Variants in DNAJC16 observed in about 807,000 individuals in gnomAD.
DNAJC16 encodes the protein DnaJ heat shock protein family (Hsp40) member C16.
DNAJC16 carries 76 observed loss-of-function variants against 92.7 expected under a neutral mutation model. The observed-to-expected ratio is 0.82, with a 90% CI of 0.68 to 0.99. The LOEUF (loss-of-function observed/expected upper bound fraction) is 0.99. DNAJC16 is among the 50% of genes least tolerant of loss of function. The probability of loss-of-function intolerance (pLI) is 0.00; values close to 1 mark genes in which losing one functional copy is unlikely to be tolerated. For synonymous variants in DNAJC16, 328 were observed against 358.7 expected, an observed-to-expected ratio of 0.91 and a Z score of 0.97; for missense variants, 869 against 942.4, an observed-to-expected ratio of 0.92 and a Z score of 1.02.
chr1:15,532,633 G>A (rs1364939675), intron 2 of DNAJC16, among the ~76,000 whole-genome samples: 1 of 151,798 alleles, frequency 6.6e-6, no homozygotes, highest in East Asian at 1.9e-4. Context: ...TTGTATGATT[G>A]CATAATTTTT....
In DNAJC16 at chr1:15,568,015, T is replaced by C; in HGVS notation, c.2187T>C (p.Val729=). The C allele has an allele frequency of 6.2e-7, 1 of 1,614,258 alleles. No individual in the cohort carries two copies. Among genetic ancestry groups the C allele is most frequent in the Admixed American group, 1.7e-5 (1 of 60,028 alleles). The change falls in exon 15 of 15, where the codon GTT becomes GTC. Residue 729 remains valine (V), a synonymous_variant. Transcript: ENST00000375847. ...AAGCCATAGGGTCGTGCAGTGATGT[T>C]GACTCTTCCCTCTACCTGGGTGAAT... The part of the protein sequence containing the change: ...EEEAIGSCSD[V]DSSLYLGESR...
At chr1:15,533,505 G>A (rs1710707143) in intron 2 of DNAJC16, among the ~76,000 whole-genome samples, 1 of 152,168 alleles carries the variant, frequency 6.6e-6, no homozygotes, top group Non-Finnish European at 1.5e-5. Flanking sequence ...GCGCAGGCCT[G>A]TAATCCCAGC....
At position 15,544,417 on chromosome 1, in the gene DNAJC16, TCCATGCTGGGTATGAGAGACGCCTGGC is replaced by T. The variant is rs1286052175; in HGVS notation, c.598_624del (p.Ala200_His208del). On this transcript the variant is annotated inframe_deletion, in exon 5 of 15. Transcript: ENST00000375847. Reference sequence around the variant, plus strand: ...TTTTCAGGTGTAGGAATTGGCGTGGTCCATGCTGGGTATGAGAGACGCCTGGCCCATCACCTAGGGGCACACAGCACG... The same window carrying T: ...TTTTCAGGTGTAGGAATTGGCGTGGTCCATCACCTAGGGGCACACAGCACG... The T allele has an allele frequency of 5.6e-6, 9 of 1,613,434 alleles. No homozygotes were observed. The South Asian group carries it at 6.6e-5, about 12-fold the overall frequency.
intron 3 of DNAJC16, 29 bp downstream of exon 3, chr1:15,534,332 A>T (rs778852839): frequency 6.2e-7 from 1 of 1,609,792 alleles, no homozygotes; most frequent in Non-Finnish European, 8.5e-7. Context: ...TGATGCATCC[A>T]TTAGCTCTTA....
At chr1:15,527,448 T>TA (rs2103398222) in intron 1 of DNAJC16, among the ~76,000 whole-genome samples, 1 of 152,316 alleles carries the variant, frequency 6.6e-6, no homozygotes, top group East Asian at 1.9e-4. Context: ...GTAAACCCTT[T>TA]ACATGCATTT....
At chr1:15,563,186 G>C (rs1638729359) in intron 9 of DNAJC16, among the ~76,000 whole-genome samples, 2 of 151,948 alleles carry the variant, frequency 1.3e-5, no homozygotes, top group Admixed American at 6.6e-5. Context: ...AGTCTATTGA[G>C]AAAAAAGAGC....
rs961507646 is a variant in DNAJC16, at chr1:15,544,303, C to T, written c.575-96C>T. Reference sequence around the variant, plus strand: ...TTAGGAAAGACATCTCCTATGAGGTCGGGATTTCAATTTCACACCAAAAAA... The same window carrying T: ...TTAGGAAAGACATCTCCTATGAGGTTGGGATTTCAATTTCACACCAAAAAA... On this transcript the variant is annotated intron_variant, in intron 4 of 14. Transcript: ENST00000375847. 1.6e-5 allele frequency: 20 copies of T among 1,225,138 alleles called. 1 individual carries two copies. In the South Asian group the frequency reaches 2.0e-4, roughly 12 times the overall value. The allele number at this position is 1,225,138 out of a possible 1,614,324, so 75.9% of individuals were successfully genotyped here.
intron 13 of DNAJC16, chr1:15,566,409 A>C (rs1385504478): frequency 3.8e-6 from 2 of 532,242 alleles, no homozygotes; most frequent in Non-Finnish European, 3.3e-6. Context: ...GAAGCCTATC[A>C]GGCAAGTGTT....
Position 15,544,475 on chromosome 1 carries a change from T to C in DNAJC16, c.651T>C (p.Ser217=). Residue 217 remains serine (S), a synonymous_variant, in exon 5 of 15, where the codon TCT becomes TCC. Coordinates refer to ENST00000375847, the MANE Select transcript of DNAJC16 (RefSeq NM_015291.4). ...ACCTAGGGGCACACAGCACGCCCTCTATCCTAGGAATCATTAACGGGAAAA... is the reference window on the plus strand; with the variant it reads ...ACCTAGGGGCACACAGCACGCCCTCCATCCTAGGAATCATTAACGGGAAAA... ...AHHLGAHSTP[S]ILGIINGKIS... 6.2e-7 allele frequency: 1 copy of C among 1,614,176 alleles called. No homozygotes were observed. Among genetic ancestry groups the C allele is most frequent in the Non-Finnish European group, 8.5e-7 (1 of 1,180,018 alleles).
chr1:15,564,350 A>G lies in DNAJC16; in HGVS notation c.1589A>G (p.His530Arg). ...YISDCWDSIFHNNWREMMPLL... is the reference protein window; with the variant it reads ...YISDCWDSIFRNNWREMMPLL... ...TCAGACTGCTGGGATAGCATTTTTC[A>G]CAACAACTGGTAGGGATATTGCCAG... The change falls in exon 11 of 15, where the codon CAC becomes CGC. Residue 530 changes from histidine (H) to arginine (R), a missense_variant. Transcript: ENST00000375847. 1 of 1,598,080 alleles carries G rather than the reference A, an allele frequency of 6.3e-7. No homozygotes were observed. The highest frequency in any genetic ancestry group is 8.6e-7 in the Non-Finnish European group (1 of 1,165,320).
rs143679565 is a variant in DNAJC16, at chr1:15,529,116, G to C, written c.11G>C (p.Arg4Thr). Residue 4 changes from arginine (R) to threonine (T), a missense_variant, in exon 2 of 15, where the codon AGA (arginine) becomes ACA (threonine). Coordinates refer to ENST00000375847, the MANE Select transcript of DNAJC16 (RefSeq NM_015291.4). Reference sequence around the variant, plus strand: ...TGGAAAGGAAGAGAAATGGAAGTGAGAAAGTTGAGCATTTCCTGGCAGTTC... The same window carrying C: ...TGGAAAGGAAGAGAAATGGAAGTGACAAAGTTGAGCATTTCCTGGCAGTTC... Reference protein sequence around the residue: MEVRKLSISWQFLI... With the variant: MEVTKLSISWQFLI... 8 of 1,613,522 alleles carry C rather than the reference G, an allele frequency of 5.0e-6. No homozygotes were observed. In the African/African-American group the frequency reaches 1.1e-4, roughly 22 times the overall value.
intron 2 of DNAJC16, among the ~76,000 whole-genome samples, chr1:15,529,756 T>C (rs72643691): frequency 0.28 from 42,115 of 151,586 alleles, 6,708 homozygotes; most frequent in African/African-American, 0.43. Context: ...AAACCAAGGA[T>C]AGTTGTCTCT....
intron 1 of DNAJC16, among the ~76,000 whole-genome samples, chr1:15,528,833 C>T (rs1710584384): frequency 6.6e-6 from 1 of 152,082 alleles, no homozygotes; most frequent in Non-Finnish European, 1.5e-5. Flanking sequence ...ATTTCTAAAG[C>T]TTTTCTAGTC....
At chr1:15,535,066 A>G (rs1351013884) in intron 3 of DNAJC16, among the ~76,000 whole-genome samples, 2 of 152,270 alleles carry the variant, frequency 1.3e-5, no homozygotes, top group African/African-American at 2.4e-5. Context: ...GCCCTTCAGC[A>G]GACAGTGCTT....
chr1:15,547,660 T>G (rs986593967), intron 6 of DNAJC16, among the ~76,000 whole-genome samples: 1 of 152,016 alleles, frequency 6.6e-6, no homozygotes, highest in African/African-American at 2.4e-5. Flanking sequence ...CAGGCTGGTC[T>G]TGCACTCCTG....
intron 5 of DNAJC16, among the ~76,000 whole-genome samples, chr1:15,545,803 A>G (rs1638287236): frequency 6.6e-6 from 1 of 152,224 alleles, no homozygotes; most frequent in Non-Finnish European, 1.5e-5. Flanking sequence ...TGAGTTTTAT[A>G]TAAATCATTC....
intron 2 of DNAJC16, among the ~76,000 whole-genome samples, chr1:15,529,642 C>T (rs557024461): frequency 7.9e-5 from 12 of 152,126 alleles, no homozygotes; most frequent in African/African-American, 2.2e-4. Context: ...AGTGTAATTG[C>T]TAAACAGGAA....
At position 15,536,523 on chromosome 1, in the gene DNAJC16, G is replaced by T. The variant is rs769432889; in HGVS notation, c.283G>T (p.Ala95Ser). ...KRSNYDQYGDAGENQGYQKQQ... is the reference protein window; with the variant it reads ...KRSNYDQYGDSGENQGYQKQQ... Reference sequence around the variant, plus strand: ...ATCAAATTATGATCAATATGGAGACGCTGGAGAGAACCAGGGCTACCAGAA... The same window carrying T: ...ATCAAATTATGATCAATATGGAGACTCTGGAGAGAACCAGGGCTACCAGAA... The change falls in exon 4 of 15, where the codon GCT becomes TCT. Residue 95 changes from alanine to serine, a missense_variant. Ala to Ser is a moderately conservative substitution (Grantham distance 99, BLOSUM62 1). Coordinates refer to ENST00000375847, the MANE Select transcript of DNAJC16 (RefSeq NM_015291.4). 1.9e-6 allele frequency: 3 copies of T among 1,613,652 alleles called. No individual in the cohort carries two copies. The highest frequency in any genetic ancestry group is 1.1e-5 in the South Asian group (1 of 91,012).
At chr1:15,563,721 T>A in intron 9 of DNAJC16, among the ~76,000 whole-genome samples, 1 of 140,252 alleles carries the variant, frequency 7.1e-6, no homozygotes, top group Admixed American at 7.3e-5. Context: ...TGGTGGCAGG[T>A]GCCTCTAGTC....
Sources: allele counts gnomAD v4.1 joint callset (sites outside exome capture counted in the v4.1 genomes callset), GRCh38; gene constraint gnomAD v4.1.1; transcripts MANE v1.5; gene names NCBI Gene and HGNC (gene_info 2026-07-23, HGNC 2026-07-21).